The following KLHL5 variants were observed in gnomAD, a reference collection of about 807,000 sequenced individuals.
KLHL5 encodes kelch-like protein 5.
In KLHL5, 48 loss-of-function variants were observed where a neutral mutation model predicts 77.7. The observed-to-expected ratio is 0.62, with a 90% CI of 0.49 to 0.79. The LOEUF (loss-of-function observed/expected upper bound fraction) is 0.79, where lower values mean the gene tolerates loss of function less well. KLHL5 is among the 30% of genes least tolerant of loss of function. KLHL5 has a pLI of 0.00. For missense variants in KLHL5, 723 were observed against 859.7 expected, an observed-to-expected ratio of 0.84 and a Z score of 1.99; for synonymous variants, 260 against 297.0, an observed-to-expected ratio of 0.88 and a Z score of 1.28.
chr4:39,080,143 C>T (rs1462716542), intron 2 of KLHL5, among the ~76,000 whole-genome samples: 1 of 152,134 alleles, frequency 6.6e-6, no homozygotes, highest in African/African-American at 2.4e-5. Context: ...ATTTTTATTA[C>T]TTTTAAAAAT....
At chr4:39,141,371 C>T in the KLHL5 span, among the ~76,000 whole-genome samples, 4 of 137,722 alleles carry the variant, frequency 2.9e-5, no homozygotes, top group Admixed American at 8.1e-5. Flanking sequence ...TGCAGTGGCG[C>T]AATCTCGGCT....
At chr4:39,117,810 C>T (rs994497581) in intron 10 of KLHL5, among the ~76,000 whole-genome samples, 20 of 152,168 alleles carry the variant, frequency 1.3e-4, no homozygotes, top group African/African-American at 4.6e-4. Context: ...TACGGTGGCT[C>T]ACACCTGTAA....
At chr4:39,049,959 C>T (rs994693458) in intron 1 of KLHL5, among the ~76,000 whole-genome samples, 1 of 151,966 alleles carries the variant, frequency 6.6e-6, no homozygotes, top group African/African-American at 2.4e-5. Flanking sequence ...CCTGTAATCC[C>T]AGCTACTCCA....
intron 1 of KLHL5, among the ~76,000 whole-genome samples, chr4:39,054,700 A>G (rs1045755435): frequency 2.0e-4 from 31 of 152,198 alleles, no homozygotes; most frequent in African/African-American, 7.0e-4. Flanking sequence ...AATAAGTGAT[A>G]ATGTGGGAAA....
At chr4:39,115,914 G>T in intron 10 of KLHL5, 2 of 988,844 alleles carry the variant, frequency 2.0e-6, no homozygotes, top group Non-Finnish European at 2.4e-6. Context: ...TCATCACCAA[G>T]AACAGAATCA....
In KLHL5 at chr4:39,081,143, T is replaced by C; in HGVS notation, c.607T>C (p.Phe203Leu). 1 of 1,612,804 alleles carries C rather than the reference T, an allele frequency of 6.2e-7. No homozygotes were observed. The highest frequency in any genetic ancestry group is 1.1e-5 in the South Asian group (1 of 90,930). Residue 203 changes from phenylalanine to leucine, a missense_variant, in exon 3 of 11, where the codon TTT (phenylalanine) becomes CTT (leucine). Coordinates refer to ENST00000504108, the MANE Select transcript of KLHL5 (RefSeq NM_015990.5). The surrounding 1 kb of genome is among the most constrained non-coding windows in gnomAD (Gnocchi z 4.3). ...TGTCTCAGACTATTTTGCTGCCATG[T>C]TTACTAATGATGTCAGAGAGGCAAG... ...SSVSDYFAAM[F>L]TNDVREARQE... is the part of the protein sequence containing the mutation.
downstream of KLHL5, among the ~76,000 whole-genome samples, chr4:39,131,819 T>C (rs1723810306): frequency 6.6e-6 from 1 of 151,094 alleles, no homozygotes; most frequent in Non-Finnish European, 1.5e-5. Context: ...GCCTGGGAAG[T>C]TGAGGCTCCA....
At position 39,122,445 on chromosome 4, in the gene KLHL5, G is replaced by A. The variant is rs1723260076; in HGVS notation, c.*1379G>A. ...ATATTGCAAGTAAGTGGCAGAGCAG[G>A]GATTCATACAAAGACCTTCTCACTC... is the stretch of plus-strand genomic sequence containing the variant. On this transcript the variant is annotated 3_prime_UTR_variant, in exon 11 of 11. Transcript: ENST00000504108. Among the ~76,000 whole-genome samples the A allele has an allele frequency of 6.6e-6, 1 of 152,072 alleles. No homozygotes were observed. Among genetic ancestry groups the A allele is most frequent in the African/African-American group, 2.4e-5 (1 of 41,398 alleles).
At chr4:39,051,853 A>G (rs553911290) in intron 1 of KLHL5, among the ~76,000 whole-genome samples, 24 of 152,218 alleles carry the variant, frequency 1.6e-4, no homozygotes, top group Admixed American at 3.3e-4. Context: ...TAGCTTCCTT[A>G]TGAGGTATTT....
At chr4:39,113,335 G>A (rs901347203) in intron 9 of KLHL5, 103 bp downstream of exon 9, 39 of 956,252 alleles carry the variant, frequency 4.1e-5, no homozygotes, top group African/African-American at 3.3e-4. Flanking sequence ...AGGGAAAGTC[G>A]GCATTCAAAA....
intron 5 of KLHL5, 55 bp from the exon 6 acceptor site, chr4:39,096,637 T>C: frequency 7.9e-7 from 1 of 1,261,940 alleles, no homozygotes; most frequent in East Asian, 2.5e-5. Context: ...TTTTTTTCTG[T>C]AAACCCTACC....
intron 6 of KLHL5, among the ~76,000 whole-genome samples, chr4:39,102,688 ACT>A (rs1721692007): frequency 1.3e-5 from 2 of 152,042 alleles, no homozygotes; most frequent in African/African-American, 2.4e-5. Context: ...ATTTAAGCAA[ACT>A]CTGAGTTTTC....
rs187809739 is a variant in KLHL5 at position 39,076,189 on chromosome 4, C to T, written c.566+42C>T. 5.9e-4 allele frequency: 903 copies of T among 1,543,496 alleles called. 2 individuals carry two copies. The highest frequency in any genetic ancestry group is 2.3e-4 in the Middle Eastern group (1 of 4,394). ...TTTCTGTATGTGTGAAATATTTCCT[C>T]GGTAATTTAGATATGTATATTGAGG... On this transcript the variant is annotated intron_variant, in intron 2 of 10. Transcript: ENST00000504108.
At chr4:39,090,971 CCAGT>C (rs890158023) in intron 5 of KLHL5, among the ~76,000 whole-genome samples, 3 of 143,774 alleles carry the variant, frequency 2.1e-5, no homozygotes, top group African/African-American at 7.8e-5. Context: ...ACCACCATGC[CCAGT>C]CAGTTTTTAA....
intron 8 of KLHL5, among the ~76,000 whole-genome samples, chr4:39,107,977 T>G (rs1722174457): frequency 6.6e-6 from 1 of 151,410 alleles, no homozygotes; most frequent in Non-Finnish European, 1.5e-5. Flanking sequence ...ATATTAATGT[T>G]CAATATTAAT....
intron 4 of KLHL5, among the ~76,000 whole-genome samples, chr4:39,084,575 A>G (rs1255996161): frequency 6.6e-6 from 1 of 152,216 alleles, no homozygotes; most frequent in Non-Finnish European, 1.5e-5. Flanking sequence ...GTTCAGTAGT[A>G]TTTCATAAGT....
intron 5 of KLHL5, among the ~76,000 whole-genome samples, chr4:39,092,051 AC>A (rs1720632280): frequency 6.6e-6 from 1 of 151,952 alleles, no homozygotes; most frequent in Non-Finnish European, 1.5e-5. Flanking sequence ...GTTTGAGGGG[AC>A]AGTTTTAGAG....
intron 5 of KLHL5, among the ~76,000 whole-genome samples, chr4:39,095,837 T>C (rs1410842585): frequency 1.3e-5 from 2 of 151,468 alleles, no homozygotes; most frequent in Non-Finnish European, 3.0e-5. Context: ...ATAAAACAAT[T>C]AGTAAAAGAA....
At chr4:39,073,650 T>G (rs1180665828) in intron 1 of KLHL5, among the ~76,000 whole-genome samples, 1 of 151,784 alleles carries the variant, frequency 6.6e-6, no homozygotes, top group Non-Finnish European at 1.5e-5. Flanking sequence ...TTTTTATTTA[T>G]TTATTTATTT....
Sources: gnomAD v4.1 joint callset for allele counts (sites outside exome capture counted in the v4.1 genomes callset) on GRCh38, gnomAD v4.1.1 for gene constraint, Gnocchi (gnomAD v3.1) non-coding constraint, MANE v1.5 for transcripts, NCBI Gene and HGNC (gene_info 2026-07-23, HGNC 2026-07-21) for gene names.